Variants in CRY1 observed in about 807,000 individuals in gnomAD.
The protein encoded by CRY1 is cryptochrome-1.
A neutral mutation model predicts 76.0 loss-of-function variants in CRY1; 45 were observed. The ratio of observed to expected loss-of-function variants is 0.59; its 90% CI spans 0.47 to 0.76. The LOEUF (loss-of-function observed/expected upper bound fraction) is 0.76. Among genes scored for constraint, CRY1 ranks in the 30% least tolerant of loss-of-function variants. The pLI is 0.00. For missense variants in CRY1, 587 were observed against 716.4 expected, an observed-to-expected ratio of 0.82 and a Z score of 2.06; for synonymous variants, 248 against 244.0, an observed-to-expected ratio of 1.02 and a Z score of -0.15.
intron 10 of CRY1, among the ~76,000 whole-genome samples, chr12:106,996,712 A>AT (rs954103893): frequency 3.3e-5 from 5 of 152,316 alleles, no homozygotes; most frequent in African/African-American, 1.2e-4. Context: ...GCTTCATGCT[A>AT]TTTTTGGTCA....
At chr12:107,047,240 T>C (rs1275259288) in intron 1 of CRY1, among the ~76,000 whole-genome samples, 4 of 152,116 alleles carry the variant, frequency 2.6e-5, no homozygotes, top group East Asian at 1.9e-4. Context: ...TATACAAATA[T>C]AGGGAAATCA....
At chr12:107,055,109 A>G (rs1952967789) in intron 1 of CRY1, among the ~76,000 whole-genome samples, 1 of 152,140 alleles carries the variant, frequency 6.6e-6, no homozygotes, top group Non-Finnish European at 1.5e-5. Flanking sequence ...CACATGGAAC[A>G]TTTTTAAAAA....
At chr12:107,037,868 C>G (rs1053701604) in intron 1 of CRY1, among the ~76,000 whole-genome samples, 4 of 152,036 alleles carry the variant, frequency 2.6e-5, no homozygotes, top group African/African-American at 4.8e-5. Flanking sequence ...ACCAGCACAC[C>G]TGGCTAACTT....
At chr12:107,042,525 T>G (rs908124631) in intron 1 of CRY1, among the ~76,000 whole-genome samples, 5 of 152,076 alleles carry the variant, frequency 3.3e-5, no homozygotes, top group African/African-American at 1.2e-4. Flanking sequence ...AACCTTAATC[T>G]AACTATGAGA....
intron 1 of CRY1, among the ~76,000 whole-genome samples, chr12:107,065,454 G>A (rs945169310): frequency 6.6e-6 from 1 of 152,070 alleles, no homozygotes. Context: ...AATTAACCAA[G>A]CGTGGTGGTG....
intron 1 of CRY1, among the ~76,000 whole-genome samples, chr12:107,076,823 C>T (rs990094031): frequency 5.9e-5 from 9 of 152,048 alleles, no homozygotes; most frequent in Admixed American, 1.3e-4. Flanking sequence ...TTTGGTACAT[C>T]TTTACAATGG....
intron 10 of CRY1, among the ~76,000 whole-genome samples, chr12:106,997,073 C>G (rs934266502): frequency 3.9e-5 from 6 of 152,130 alleles, no homozygotes; most frequent in African/African-American, 1.2e-4. Flanking sequence ...TTTAACTTGA[C>G]CCAGTATCTA....
At chr12:107,053,409 CG>C (rs1391069707) in intron 1 of CRY1, among the ~76,000 whole-genome samples, 13 of 152,052 alleles carry the variant, frequency 8.5e-5, no homozygotes, top group Non-Finnish European at 1.9e-4. Flanking sequence ...CTCTGCCTCC[CG>C]GGTTCAAGCA....
At chr12:107,034,567 T>G (rs1952713053) in intron 1 of CRY1, among the ~76,000 whole-genome samples, 1 of 152,212 alleles carries the variant, frequency 6.6e-6, no homozygotes, top group Admixed American at 6.5e-5. Flanking sequence ...CAGAAGCCCA[T>G]GTCTGGTAAC....
intron 2 of CRY1, among the ~76,000 whole-genome samples, chr12:107,020,186 C>A (rs1445214449): frequency 2.2e-3 from 292 of 134,496 alleles, no homozygotes; most frequent in African/African-American, 2.1e-3. Context: ...TTCATACAAG[C>A]AAAAAAAAAA....
intron 1 of CRY1, among the ~76,000 whole-genome samples, chr12:107,088,303 G>A (rs1269861722): frequency 1.3e-5 from 2 of 151,924 alleles, no homozygotes; most frequent in East Asian, 3.9e-4. Flanking sequence ...TCTCTCTCTC[G>A]CCATGTGATA....
chr12:107,010,385 A>G (rs1177545656), intron 2 of CRY1, among the ~76,000 whole-genome samples: 1 of 152,134 alleles, frequency 6.6e-6, no homozygotes, highest in Non-Finnish European at 1.5e-5. Flanking sequence ...AACATGAAAA[A>G]TTTACAAGGG....
chr12:107,058,800 A>G (rs1953015229), intron 1 of CRY1, among the ~76,000 whole-genome samples: 1 of 152,234 alleles, frequency 6.6e-6, no homozygotes, highest in South Asian at 2.1e-4. Context: ...AATAAATTCT[A>G]ACCTGGAATA....
chr12:107,057,951 T>C (rs760091132), intron 1 of CRY1, among the ~76,000 whole-genome samples: 25 of 151,138 alleles, frequency 1.7e-4, no homozygotes, highest in Non-Finnish European at 3.2e-4. Flanking sequence ...GTGGTCCCAG[T>C]TACTCAGGAG....
intron 1 of CRY1, among the ~76,000 whole-genome samples, chr12:107,055,823 TC>T (rs1952975903): frequency 1.3e-5 from 2 of 148,904 alleles, no homozygotes; most frequent in African/African-American, 2.5e-5. Context: ...AGACCCTGTC[TC>T]AAAAAAAAAA....
chr12:106,999,736 T>A lies in CRY1; in HGVS notation c.952A>T (p.Ile318Phe). 1 of 1,614,226 alleles carries A rather than the reference T, an allele frequency of 6.2e-7. No individual in the cohort carries two copies. Among genetic ancestry groups the A allele is most frequent in the Non-Finnish European group, 8.5e-7 (1 of 1,180,034 alleles). The change falls in exon 7 of 13, where the codon ATT becomes TTT. Residue 318 changes from isoleucine to phenylalanine, a missense_variant. Transcript: ENST00000008527. ...GCCTCAGGATTTTTATCCCAAGGAA[T>A]CTGAACACAGATAGGGTTTCCTTCC... ...KMEGNPICVQ[I>F]PWDKNPEALA... is the part of the protein sequence containing the mutation.
intron 10 of CRY1, among the ~76,000 whole-genome samples, chr12:106,995,202 G>A (rs888995039): frequency 3.9e-5 from 6 of 152,124 alleles, no homozygotes; most frequent in Non-Finnish European, 5.9e-5. Flanking sequence ...CTCCTCCCCA[G>A]GTTACTGTGA....
chr12:106,997,500 AT>A lies in CRY1; in HGVS notation c.1479del (p.Tyr494IlefsTer4). 3 of 1,613,954 alleles carry A rather than the reference AT, an allele frequency of 1.9e-6. No homozygotes were observed. The highest frequency in any genetic ancestry group is 2.5e-6 in the Non-Finnish European group (3 of 1,179,982). ...RMKQIYQQLSRYRGLGLLASV... is the reference protein window; with the variant it reads ...RMKQIYQQLSXYRGLGLLASV... ...GTTCTTAACATACCTAGTCCTCTAT[AT>A]CGTGAAAGCTGCTGATAGATCTGTT... On this transcript the variant is annotated frameshift_variant, in exon 9 of 13. Coordinates refer to ENST00000008527, the MANE Select transcript of CRY1 (RefSeq NM_004075.5). LOFTEE classifies it high-confidence loss of function.
At chr12:107,088,776 G>A (rs1953434358) in intron 1 of CRY1, among the ~76,000 whole-genome samples, 1 of 152,216 alleles carries the variant, frequency 6.6e-6, no homozygotes, top group African/African-American at 2.4e-5. Flanking sequence ...AAAAAGTGGT[G>A]CAAGAGTTCA....
Sources: allele counts gnomAD v4.1 joint callset (sites outside exome capture counted in the v4.1 genomes callset), GRCh38; gene constraint gnomAD v4.1.1; transcripts MANE v1.5; gene names NCBI Gene and HGNC (gene_info 2026-07-23, HGNC 2026-07-21).